The following MANEA variants were observed in gnomAD, a reference collection of about 807,000 sequenced individuals.
MANEA encodes glycoprotein endo-alpha-1,2-mannosidase.
MANEA carries 25 observed loss-of-function variants against 36.8 expected under a neutral mutation model. The observed-to-expected ratio is 0.68, with a 90% CI of 0.50 to 0.95. The LOEUF (loss-of-function observed/expected upper bound fraction) is 0.95, where lower values mean the gene tolerates loss of function less well. MANEA is among the 40% of genes least tolerant of loss of function. The pLI is 0.00. For missense variants in MANEA, 565 were observed against 558.8 expected, an observed-to-expected ratio of 1.01 and a Z score of -0.11; for synonymous variants, 198 against 188.5, an observed-to-expected ratio of 1.05 and a Z score of -0.41.
At chr6:95,581,859 C>T (rs970334045) in intron 1 of MANEA, among the ~76,000 whole-genome samples, 1 of 151,994 alleles carries the variant, frequency 6.6e-6, no homozygotes, top group Non-Finnish European at 1.5e-5. Flanking sequence ...TTATAGAATA[C>T]CTATCCAAAT....
intron 3 of MANEA, among the ~76,000 whole-genome samples, chr6:95,604,061 G>GGGGTGTGTGTGTGT (rs369467389): frequency 0.027 from 3,766 of 138,324 alleles, 64 homozygotes; most frequent in Non-Finnish European, 0.04. Flanking sequence ...TATGTATGTA[G>GGGGTGTGTGTGTGT]GTGTGTGTGT....
chr6:95,598,216 A>G (rs1157357926), intron 3 of MANEA, among the ~76,000 whole-genome samples: 1 of 152,166 alleles, frequency 6.6e-6, no homozygotes, highest in Non-Finnish European at 1.5e-5. Context: ...AAGTATACTC[A>G]CTATCTATTG....
intron 2 of MANEA, chr6:95,590,257 A>T (rs1052745009): frequency 6.6e-6 from 1 of 152,240 alleles, no homozygotes; most frequent in African/African-American, 2.4e-5. Flanking sequence ...TTAGCAAAAC[A>T]TAATGTACTC....
intron 2 of MANEA, among the ~76,000 whole-genome samples, chr6:95,592,583 T>G (rs1359697661): frequency 6.6e-6 from 1 of 152,200 alleles, no homozygotes; most frequent in African/African-American, 2.4e-5. Flanking sequence ...GAAAGAATGT[T>G]TGAGATGTTC....
intron 1 of MANEA, among the ~76,000 whole-genome samples, chr6:95,584,759 C>T (rs1440476275): frequency 6.6e-6 from 1 of 152,210 alleles, no homozygotes; most frequent in Non-Finnish European, 1.5e-5. Flanking sequence ...AGGTGGGCAT[C>T]ATGGTCCTAC....
chr6:95,595,592 A>G (rs924747262), intron 2 of MANEA, among the ~76,000 whole-genome samples: 1 of 152,084 alleles, frequency 6.6e-6, no homozygotes. Flanking sequence ...CAATTTCTTA[A>G]TTTCCATATG....
chr6:95,585,592 G>A (rs1483692556), intron 1 of MANEA, among the ~76,000 whole-genome samples: 3 of 152,210 alleles, frequency 2.0e-5, no homozygotes, highest in African/African-American at 4.8e-5. Flanking sequence ...TGGGATTACA[G>A]GCATGAGCCA....
chr6:95,581,455 AGTGTAT>A (rs948671079), intron 1 of MANEA, among the ~76,000 whole-genome samples: 1 of 152,194 alleles, frequency 6.6e-6, no homozygotes, highest in African/African-American at 2.4e-5. Flanking sequence ...TGTATTCATG[AGTGTAT>A]CCAGAAAATG....
At chr6:95,580,710 G>A (rs1769163595) in intron 1 of MANEA, among the ~76,000 whole-genome samples, 1 of 141,492 alleles carries the variant, frequency 7.1e-6, no homozygotes, top group South Asian at 2.3e-4. Flanking sequence ...GGGCAACAGA[G>A]TGAGACGCCG....
At chr6:95,588,858 T>G (rs6568922) in intron 2 of MANEA, among the ~76,000 whole-genome samples, 90,013 of 151,004 alleles carry the variant, frequency 0.6, 27,228 homozygotes, top group East Asian at 0.87. Context: ...GTTACACTAT[T>G]TTTGGTATAG....
At chr6:95,597,853 C>G (rs192419762) in intron 3 of MANEA, among the ~76,000 whole-genome samples, 2 of 151,894 alleles carry the variant, frequency 1.3e-5, no homozygotes, top group African/African-American at 4.8e-5. Context: ...ATAAATTAAT[C>G]TTTACTATTG....
At chr6:95,598,166 T>A (rs886917675) in intron 3 of MANEA, among the ~76,000 whole-genome samples, 2 of 152,228 alleles carry the variant, frequency 1.3e-5, no homozygotes, top group African/African-American at 4.8e-5. Context: ...TCAGTTGTAT[T>A]CAGAATAGTT....
chr6:95,578,243 G>T (rs1307497695), intron 1 of MANEA, among the ~76,000 whole-genome samples: 2 of 152,188 alleles, frequency 1.3e-5, no homozygotes, highest in African/African-American at 2.4e-5. Flanking sequence ...GCTAAGTCGG[G>T]ATGCAACAGT....
At chr6:95,581,571 A>C (rs2127937391) in intron 1 of MANEA, among the ~76,000 whole-genome samples, 1 of 152,302 alleles carries the variant, frequency 6.6e-6, no homozygotes, top group Admixed American at 6.5e-5. Flanking sequence ...ACTGTTTCAA[A>C]TTGTCTTGCA....
chr6:95,581,067 A>G (rs1419694168), intron 1 of MANEA, among the ~76,000 whole-genome samples: 2 of 152,228 alleles, frequency 1.3e-5, no homozygotes, highest in African/African-American at 4.8e-5. Context: ...GAGTGAAGTA[A>G]TAACTCATTC....
intron 2 of MANEA, among the ~76,000 whole-genome samples, chr6:95,592,977 A>C (rs2127941656): frequency 6.6e-6 from 1 of 152,342 alleles, no homozygotes; most frequent in East Asian, 1.9e-4. Flanking sequence ...AATAAGTGGC[A>C]TGGAGGGGTG....
intron 2 of MANEA, among the ~76,000 whole-genome samples, chr6:95,588,422 T>C (rs1769328223): frequency 6.6e-6 from 1 of 152,048 alleles, no homozygotes; most frequent in African/African-American, 2.4e-5. Context: ...AATTTAACTT[T>C]ATAGTATAGT....
At chr6:95,583,962 C>T (rs918607881) in intron 1 of MANEA, among the ~76,000 whole-genome samples, 1 of 152,076 alleles carries the variant, frequency 6.6e-6, no homozygotes, top group African/African-American at 2.4e-5. Flanking sequence ...GGACCCCGAA[C>T]GGAGGGACTG....
intron 1 of MANEA, among the ~76,000 whole-genome samples, chr6:95,582,173 C>CTTTTT (rs67978183): frequency 8.4e-4 from 67 of 79,384 alleles, no homozygotes; most frequent in Non-Finnish European, 1.6e-3. Flanking sequence ...GTTGTATCAT[C>CTTTTT]TTTTTTTTTT....
Sources: gnomAD v4.1 joint callset for allele counts (sites outside exome capture counted in the v4.1 genomes callset) on GRCh38, gnomAD v4.1.1 for gene constraint, MANE v1.5 for transcripts, NCBI Gene and HGNC (gene_info 2026-07-23, HGNC 2026-07-21) for gene names.